Variants in LRRFIP1 observed in about 807,000 individuals in gnomAD.
LRRFIP1 encodes the protein LRR binding FLII interacting protein 1.
In LRRFIP1, 62 loss-of-function variants were observed where a neutral mutation model predicts 104.4. The ratio of observed to expected loss-of-function variants is 0.59; its 90% CI spans 0.48 to 0.73. The LOEUF is 0.73. Among genes scored for constraint, LRRFIP1 ranks in the 30% least tolerant of loss-of-function variants. LRRFIP1 has a pLI of 0.00. For synonymous variants in LRRFIP1, 300 were observed against 299.0 expected, an observed-to-expected ratio of 1.00 and a Z score of -0.03; for missense variants, 796 against 824.5, an observed-to-expected ratio of 0.97 and a Z score of 0.42.
At chr2:237,720,202 C>T (rs1228268624) in intron 5 of LRRFIP1, among the ~76,000 whole-genome samples, 1 of 152,080 alleles carries the variant, frequency 6.6e-6, no homozygotes, top group Non-Finnish European at 1.5e-5. Context: ...CCACCTCGGC[C>T]TCCCAAAGTG....
At chr2:237,767,992 G>A (rs1331306012) in intron 19 of LRRFIP1, among the ~76,000 whole-genome samples, 1 of 152,180 alleles carries the variant, frequency 6.6e-6, no homozygotes, top group Non-Finnish European at 1.5e-5. Flanking sequence ...CCTATCTACT[G>A]CCTCTCTTAA....
chr2:237,697,050 C>A (rs1199763186), intron 1 of LRRFIP1, among the ~76,000 whole-genome samples: 1 of 152,116 alleles, frequency 6.6e-6, no homozygotes, highest in Non-Finnish European at 1.5e-5. Context: ...TTGAGACAGT[C>A]GTGCTTGATT....
In LRRFIP1 at chr2:237,733,817, G is replaced by T. The variant is rs201910589; in HGVS notation, c.488G>T (p.Arg163Leu). ...YSAARPSGSY[R>L]ASVLDEGSFG... Reference sequence around the variant, plus strand: ...GCTGCCCGGCCTTCGGGGAGTTACCGGGTGCGTGTGCTGCCCACCCTGCTG... The same window carrying T: ...GCTGCCCGGCCTTCGGGGAGTTACCTGGTGCGTGTGCTGCCCACCCTGCTG... Residue 163 changes from arginine to leucine, a missense_variant and splice_region_variant, in exon 9 of 24, where the codon CGG becomes CTG. Physicochemically the swap from Arg to Leu is moderately radical, Grantham distance 102. Transcript: ENST00000308482. 9.0e-3 allele frequency: 14,573 copies of T among 1,613,928 alleles called. 89 individuals carry two copies. The highest frequency in any genetic ancestry group is 0.011 in the Non-Finnish European group (13,297 of 1,179,842).
chr2:237,690,145 T>C (rs1462154639), intron 1 of LRRFIP1, among the ~76,000 whole-genome samples: 4 of 152,140 alleles, frequency 2.6e-5, no homozygotes, highest in Non-Finnish European at 5.9e-5. Context: ...CTTGTGGCAA[T>C]TACAGGTGTC....
At position 237,707,921 on chromosome 2, in the gene LRRFIP1, C is replaced by T. The variant is rs377085815; in HGVS notation, c.97-623C>T. Among the ~76,000 whole-genome samples, 41 of 152,308 alleles carry T rather than the reference C, an allele frequency of 2.7e-4. No homozygotes were observed. In the South Asian group the frequency reaches 7.9e-3, roughly 29 times the overall value. ...GTTGGGAAAAGGTGGACTCCCAGCACGGCTGTGTTTTAAGGGGAAGCTGAG... is the reference window on the plus strand; with the variant it reads ...GTTGGGAAAAGGTGGACTCCCAGCATGGCTGTGTTTTAAGGGGAAGCTGAG... On this transcript the variant is annotated intron_variant, in intron 1 of 23. Coordinates refer to ENST00000308482, the MANE Select transcript of LRRFIP1 (RefSeq NM_001137550.2).
At chr2:237,769,646 A>G (rs2060455932) in intron 19 of LRRFIP1, 1 of 345,514 alleles carries the variant, frequency 2.9e-6, no homozygotes, top group African/African-American at 2.0e-5. Context: ...CTTGTGTTGC[A>G]GCGTGGTTTG....
intron 1 of LRRFIP1, chr2:237,692,178 G>C: frequency 2.9e-6 from 3 of 1,029,426 alleles, no homozygotes; most frequent in Non-Finnish European, 3.5e-6. Context: ...GGGACGGGCG[G>C]AGGCGCCCGA....
At chr2:237,775,780 T>C (rs182492108) in intron 23 of LRRFIP1, among the ~76,000 whole-genome samples, 1 of 151,994 alleles carries the variant, frequency 6.6e-6, no homozygotes, top group Non-Finnish European at 1.5e-5. Flanking sequence ...GAAAGCTGCT[T>C]TGACACATGA....
At chr2:237,657,899 C>T (rs184278336) in intron 1 of LRRFIP1, among the ~76,000 whole-genome samples, 96 of 152,264 alleles carry the variant, frequency 6.3e-4, no homozygotes, top group African/African-American at 2.0e-3. Context: ...ATTAGAAGCT[C>T]GGTGATAGCA....
At chr2:237,726,193 CAT>C (rs1180594841) in intron 7 of LRRFIP1, among the ~76,000 whole-genome samples, 1 of 152,168 alleles carries the variant, frequency 6.6e-6, no homozygotes, top group Non-Finnish European at 1.5e-5. Context: ...TAATGTTACT[CAT>C]AGAGTTCTCA....
At chr2:237,689,376 G>A (rs113147256) in intron 1 of LRRFIP1, among the ~76,000 whole-genome samples, 1 of 152,304 alleles carries the variant, frequency 6.6e-6, no homozygotes, top group African/African-American at 2.4e-5. Flanking sequence ...TGGCTGGGCT[G>A]AAACCCAAGT....
rs2094107972 is a variant in LRRFIP1, at chr2:237,711,805, A to T, written c.184-2454A>T. On this transcript the variant is annotated intron_variant, in intron 2 of 23. Coordinates refer to ENST00000308482, the MANE Select transcript of LRRFIP1 (RefSeq NM_001137550.2). This position sits in a 1 kb window ranked among gnomAD's most constrained non-coding sequence, Gnocchi z 4.4. ...AGCTCTACCGGGGGGTGGGGAAGCC[A>T]CTCCTTGTGGCAGCAGAGGATGGAC... 6.6e-6 allele frequency among the ~76,000 whole-genome samples: 1 copy of T among 152,014 alleles called. No individual in the cohort carries two copies. Among genetic ancestry groups the T allele is most frequent in the Non-Finnish European group, 1.5e-5 (1 of 67,980 alleles).
intron 7 of LRRFIP1, among the ~76,000 whole-genome samples, chr2:237,726,888 A>G (rs1406863199): frequency 6.6e-6 from 1 of 152,256 alleles, no homozygotes; most frequent in African/African-American, 2.4e-5. Flanking sequence ...GAGGGATGAT[A>G]GGCATGCACT....
At chr2:237,646,859 T>G (rs929382493) in intron 1 of LRRFIP1, among the ~76,000 whole-genome samples, 1 of 151,994 alleles carries the variant, frequency 6.6e-6, no homozygotes, top group African/African-American at 2.4e-5. Flanking sequence ...CAGTCTGTGG[T>G]GTTTTGTTAC....
In LRRFIP1 at chr2:237,757,538, A is replaced by G; in HGVS notation, c.1214A>G (p.Lys405Arg). ...CAGGAAACAATAGAGTGGAAAGACAAAAAGATAGGGGTAGGATTCCCAAGT... is the reference window on the plus strand; with the variant it reads ...CAGGAAACAATAGAGTGGAAAGACAGAAAGATAGGGGTAGGATTCCCAAGT... ...DLQETIEWKDKKIGALERQKE... is the reference protein window; with the variant it reads ...DLQETIEWKDRKIGALERQKE... Residue 405 changes from lysine to arginine, a missense_variant, in exon 17 of 24, where the codon AAA (lysine) becomes AGA (arginine). Coordinates refer to ENST00000308482, the MANE Select transcript of LRRFIP1 (RefSeq NM_001137550.2). The G allele has an allele frequency of 1.3e-6, 2 of 1,577,676 alleles. No individual in the cohort carries two copies. Among genetic ancestry groups the G allele is most frequent in the Admixed American group, 1.8e-5 (1 of 54,550 alleles).
At chr2:237,699,076 G>T (rs1013120215) in intron 1 of LRRFIP1, among the ~76,000 whole-genome samples, 8 of 152,268 alleles carry the variant, frequency 5.3e-5, no homozygotes, top group Admixed American at 5.2e-4. Context: ...TGTGCCTGGC[G>T]TCACAGGGAG....
chr2:237,648,132 C>T (rs1191239567), intron 1 of LRRFIP1, among the ~76,000 whole-genome samples: 4 of 152,056 alleles, frequency 2.6e-5, no homozygotes, highest in African/African-American at 4.8e-5. Context: ...ACACTCCACT[C>T]GCGTGTTTCC....
At chr2:237,718,075 T>C (rs1442389418) in intron 4 of LRRFIP1, among the ~76,000 whole-genome samples, 1 of 152,162 alleles carries the variant, frequency 6.6e-6, no homozygotes, top group Non-Finnish European at 1.5e-5. Flanking sequence ...GGCCAGCAGT[T>C]TGGGGAGGTC....
chr2:237,751,321 A>T (rs2058601595), intron 14 of LRRFIP1, 50 bp downstream of exon 14: 4 of 690,136 alleles, frequency 5.8e-6, no homozygotes, highest in South Asian at 3.0e-5. Flanking sequence ...AACTTAACTT[A>T]AAAAAAAAAA....
Sources: allele counts gnomAD v4.1 joint callset (sites outside exome capture counted in the v4.1 genomes callset), GRCh38; gene constraint gnomAD v4.1.1; non-coding constraint Gnocchi (gnomAD v3.1); transcripts MANE v1.5; gene names NCBI Gene and HGNC (gene_info 2026-07-23, HGNC 2026-07-21).